CREB5: variants seen among roughly 807,000 people sequenced by gnomAD.
CREB5 encodes the protein cyclic AMP-responsive element-binding protein 5.
A neutral mutation model predicts 57.1 loss-of-function variants in CREB5; 19 were observed. The ratio of observed to expected loss-of-function variants is 0.33; its 90% CI spans 0.23 to 0.49. The LOEUF (loss-of-function observed/expected upper bound fraction) is 0.49. Ranked by LOEUF, CREB5 falls within the 20% of genes least tolerant of loss-of-function variation. CREB5 has a pLI of 0.99. For synonymous variants in CREB5, 238 were observed against 238.3 expected (o/e 1.00, Z 0.01); for missense variants, 579 against 671.6 (o/e 0.86, Z 1.52).
chr7:28,796,873 T>A (rs1424312462), intron 7 of CREB5, among the ~76,000 whole-genome samples: 1 of 152,186 alleles, frequency 6.6e-6, no homozygotes, highest in Non-Finnish European at 1.5e-5. Flanking sequence ...TAAGACTAGC[T>A]CTGGCTCTCA....
At chr7:28,658,501 A>G (rs141585298) in intron 5 of CREB5, among the ~76,000 whole-genome samples, 2 of 152,296 alleles carry the variant, frequency 1.3e-5, no homozygotes, top group Admixed American at 6.5e-5. Flanking sequence ...ACATGCAGCA[A>G]TTATCTTCAT....
At chr7:28,496,513 G>C (rs1221429652) in intron 3 of CREB5, among the ~76,000 whole-genome samples, 1 of 152,190 alleles carries the variant, frequency 6.6e-6, no homozygotes, top group Admixed American at 6.5e-5. Flanking sequence ...AAGGGCACAG[G>C]TGATGGAGCT....
intron 1 of CREB5, among the ~76,000 whole-genome samples, chr7:28,479,628 C>T (rs1462495424): frequency 6.6e-6 from 1 of 152,158 alleles, no homozygotes; most frequent in East Asian, 1.9e-4. Context: ...ACCCTGTGTT[C>T]AACGGACATC....
At position 28,507,348 on chromosome 7, in the gene CREB5, A is replaced by G. The variant is rs367838412; in HGVS notation, c.170-268A>G. Among the ~76,000 whole-genome samples, 5 of 152,222 alleles carry G rather than the reference A, an allele frequency of 3.3e-5. No homozygotes were observed. In the South Asian group the frequency reaches 1.0e-3, roughly 32 times the overall value. On this transcript the variant is annotated intron_variant, in intron 3 of 10. Transcript: ENST00000357727. ...ATTCAAATGGTACAGACTTCAGACA[A>G]GTGGAGAGTGAGATCTCCTGAAGTT...
intron 5 of CREB5, among the ~76,000 whole-genome samples, chr7:28,643,759 G>GC (rs372646801): frequency 2.6e-5 from 2 of 77,648 alleles, no homozygotes; most frequent in Admixed American, 1.5e-4. Flanking sequence ...GGTGGGGGGG[G>GC]GCGGAAGAAA....
At chr7:28,628,237 C>T (rs544466799) in intron 5 of CREB5, among the ~76,000 whole-genome samples, 118 of 151,980 alleles carry the variant, frequency 7.8e-4, no homozygotes, top group African/African-American at 2.8e-3. Flanking sequence ...CAATCCAGGA[C>T]TTTTGTGGTC....
chr7:28,581,827 A>G (rs1715232057), intron 5 of CREB5, among the ~76,000 whole-genome samples: 2 of 152,212 alleles, frequency 1.3e-5, no homozygotes, highest in African/African-American at 2.4e-5. Context: ...GGGAGGCGCC[A>G]TGTCTGGGTA....
intron 1 of CREB5, among the ~76,000 whole-genome samples, chr7:28,456,519 G>C (rs1477497384): frequency 2.0e-5 from 3 of 152,070 alleles, no homozygotes; most frequent in Admixed American, 2.0e-4. Context: ...GGGGTGGGGG[G>C]CTTCATTGTG....
intron 1 of CREB5, among the ~76,000 whole-genome samples, chr7:28,369,873 C>T (rs920689477): frequency 6.6e-6 from 1 of 152,150 alleles, no homozygotes; most frequent in Non-Finnish European, 1.5e-5. Context: ...CTCCTAGGAG[C>T]AATGCTTCAA....
chr7:28,447,555 A>G (rs1789546899), intron 1 of CREB5, among the ~76,000 whole-genome samples: 1 of 152,180 alleles, frequency 6.6e-6, no homozygotes, highest in Non-Finnish European at 1.5e-5. Context: ...GAGAGAAAGC[A>G]GTACCCGAGA....
intron 6 of CREB5, 74 bp from the exon 7 acceptor site, chr7:28,724,148 A>G: frequency 7.8e-7 from 1 of 1,284,790 alleles, no homozygotes; most frequent in South Asian, 1.3e-5. Flanking sequence ...TCCATTGGAC[A>G]GAAAAGTGCA....
intron 5 of CREB5, among the ~76,000 whole-genome samples, chr7:28,656,876 C>T (rs1227382410): frequency 6.6e-6 from 1 of 151,746 alleles, no homozygotes; most frequent in South Asian, 2.1e-4. Context: ...TTTTGAGGAT[C>T]AGTTGTGACC....
rs1809643545 is a variant in CREB5 at position 28,819,542 on chromosome 7, A to AAACT, written c.*264_*267dup. The AAACT allele has an allele frequency of 1.3e-5, 5 of 387,994 alleles. No homozygotes were observed. The East Asian group carries it at 2.5e-4, about 19-fold the overall frequency. The allele number at this position is 387,994 out of a possible 1,614,324, so 24.0% of individuals were successfully genotyped here. ...TTTCTGGTACCAGTTACTTGTTTAT[A>AAACT]AACTGAACCTTTTCTGTATATAGCC... is the stretch of plus-strand genomic sequence containing the variant. On this transcript the variant is annotated 3_prime_UTR_variant, in exon 11 of 11. Coordinates refer to ENST00000357727, the MANE Select transcript of CREB5 (RefSeq NM_182898.4).
chr7:28,389,497 A>C (rs755879394), intron 1 of CREB5, among the ~76,000 whole-genome samples: 1 of 152,170 alleles, frequency 6.6e-6, no homozygotes, highest in Non-Finnish European at 1.5e-5. Context: ...TGGACATTCC[A>C]AATTTTTCTT....
At chr7:28,722,369 A>G (rs12539642) in intron 6 of CREB5, among the ~76,000 whole-genome samples, 1 of 152,156 alleles carries the variant, frequency 6.6e-6, no homozygotes, top group Non-Finnish European at 1.5e-5. Context: ...TGAGAGGGTC[A>G]CCAGTCGGAA....
chr7:28,480,325 C>T (rs1023074304), intron 1 of CREB5, among the ~76,000 whole-genome samples: 8 of 152,120 alleles, frequency 5.3e-5, no homozygotes, highest in African/African-American at 1.7e-4. Context: ...AGCTGCTTTC[C>T]ACCAGTATGA....
rs570049782 is a variant in CREB5, at chr7:28,712,448, C to T, written c.465-6305C>T. ...ACCTAAACCCAGGAGGCGGAGGTTG[C>T]AGTGAGCCAAGATCACACCCTTGCA... On this transcript the variant is annotated intron_variant, in intron 5 of 10. Transcript: ENST00000357727. Among the ~76,000 whole-genome samples the T allele has an allele frequency of 4.4e-3, 643 of 147,712 alleles. 3 individuals carry two copies. The highest frequency in any genetic ancestry group is 6.3e-3 in the Non-Finnish European group (424 of 67,282).
chr7:28,368,789 G>A (rs534138135), intron 1 of CREB5, among the ~76,000 whole-genome samples: 19 of 152,252 alleles, frequency 1.2e-4, no homozygotes, highest in Admixed American at 6.5e-4. Flanking sequence ...GCCCACGCCT[G>A]TAATCCCAGC....
chr7:28,560,916 G>A (rs1795175905), intron 4 of CREB5, among the ~76,000 whole-genome samples: 3 of 54,402 alleles, frequency 5.5e-5, no homozygotes, highest in African/African-American at 3.6e-4. Flanking sequence ...GTGCGTGTGC[G>A]TGTGTGCGCG....
Sources: gnomAD v4.1 joint callset for allele counts (sites outside exome capture counted in the v4.1 genomes callset) on GRCh38, gnomAD v4.1.1 for gene constraint, MANE v1.5 for transcripts, NCBI Gene and HGNC (gene_info 2026-07-23, HGNC 2026-07-21) for gene names.